The following P3H2 variants were observed in gnomAD, a reference collection of about 807,000 sequenced individuals.
P3H2 encodes leprecan-like 1.
Under a neutral mutation model 87.0 loss-of-function variants are expected in P3H2, and 80 were observed. The observed-to-expected ratio is 0.92, with a 90% CI of 0.77 to 1.11. P3H2 has a LOEUF of 1.11. Ranked by LOEUF, P3H2 falls within the 50% of genes least tolerant of loss-of-function variation. The pLI is 0.00. For missense variants in P3H2, 1,001 were observed against 923.9 expected, an observed-to-expected ratio of 1.08 and a Z score of -1.08; for synonymous variants, 367 against 359.3, an observed-to-expected ratio of 1.02 and a Z score of -0.24.
In P3H2 at chr3:189,983,077, T is replaced by C. The variant is rs774778936; in HGVS notation, c.1293A>G (p.Leu431=). ...EVHGFSMGKK[L]SPKIDRDLRE... is the part of the protein sequence containing the mutation. ...TTAGGTCTCGATCTATCTTGGGTGA[T>C]AGCTTTTTTCCCATTGAGAATCCAT... is the stretch of plus-strand genomic sequence containing the variant. The change falls in exon 8 of 15, where the codon CTA becomes CTG. Residue 431 remains leucine (L), a synonymous_variant. Coordinates refer to ENST00000319332, the MANE Select transcript of P3H2 (RefSeq NM_018192.4). 3.7e-6 allele frequency: 6 copies of C among 1,613,924 alleles called. No homozygotes were observed. Among genetic ancestry groups the C allele is most frequent in the South Asian group, 2.2e-5 (2 of 91,078 alleles).
intron 1 of P3H2, among the ~76,000 whole-genome samples, chr3:190,018,424 T>G (rs141153980): frequency 0.013 from 1,987 of 152,216 alleles, 44 homozygotes; most frequent in African/African-American, 0.046. Context: ...CTTAGATAAG[T>G]AGGCCAGGTG....
intron 1 of P3H2, among the ~76,000 whole-genome samples, chr3:190,067,945 A>G (rs1309367367): frequency 6.6e-6 from 1 of 152,168 alleles, no homozygotes; most frequent in Non-Finnish European, 1.5e-5. Flanking sequence ...TAGTTATAAC[A>G]ATTTAAATAT....
intron 1 of P3H2, among the ~76,000 whole-genome samples, chr3:190,075,564 T>C (rs757463869): frequency 2.6e-5 from 4 of 151,804 alleles, no homozygotes; most frequent in South Asian, 2.1e-4. Context: ...TAAAATCTCA[T>C]GTGATTTCTG....
intron 1 of P3H2, among the ~76,000 whole-genome samples, chr3:190,016,050 T>C (rs2108937610): frequency 6.6e-6 from 1 of 152,326 alleles, no homozygotes; most frequent in East Asian, 1.9e-4. Context: ...GTCCTTGCTC[T>C]TTAGCTTGCT....
chr3:190,032,367 T>C (rs1725281207), intron 1 of P3H2, among the ~76,000 whole-genome samples: 2 of 152,226 alleles, frequency 1.3e-5, no homozygotes, highest in Admixed American at 6.5e-5. Context: ...CCAAATTCCA[T>C]GTCTTAAATC....
chr3:189,969,494 G>T (rs1723106065), intron 13 of P3H2: 4 of 973,874 alleles, frequency 4.1e-6, no homozygotes, highest in Non-Finnish European at 6.7e-6. Flanking sequence ...ATCATAGAGG[G>T]ACTGAGGTCT....
chr3:190,114,040 A>C (rs1712179066), intron 1 of P3H2, among the ~76,000 whole-genome samples: 1 of 122,536 alleles, frequency 8.2e-6, no homozygotes, highest in African/African-American at 3.3e-5. Context: ...AGATGTCGCC[A>C]CCACACTCCA....
At chr3:190,003,513 T>C in intron 1 of P3H2, among the ~76,000 whole-genome samples, 1 of 149,784 alleles carries the variant, frequency 6.7e-6, no homozygotes, top group East Asian at 2.0e-4. Flanking sequence ...AAAAAAAAAC[T>C]ATCTAAGTAT....
At chr3:190,012,967 G>A (rs952418047) in intron 1 of P3H2, among the ~76,000 whole-genome samples, 2 of 152,102 alleles carry the variant, frequency 1.3e-5, no homozygotes, top group African/African-American at 2.4e-5. Context: ...CCGATTGATC[G>A]TTGTATTCCC....
intron 1 of P3H2, among the ~76,000 whole-genome samples, chr3:190,007,688 T>C (rs1318103906): frequency 2.0e-5 from 3 of 151,946 alleles, no homozygotes; most frequent in Non-Finnish European, 2.9e-5. Flanking sequence ...AGCCCTTACC[T>C]TGCTAAGAAA....
At chr3:190,093,154 T>C (rs1327514710) in intron 1 of P3H2, among the ~76,000 whole-genome samples, 1 of 152,142 alleles carries the variant, frequency 6.6e-6, no homozygotes, top group African/African-American at 2.4e-5. Context: ...GCAACGATAA[T>C]AGAAAATTGA....
intron 1 of P3H2, among the ~76,000 whole-genome samples, chr3:190,101,464 T>C (rs1191633539): frequency 1.3e-5 from 2 of 149,358 alleles, no homozygotes; most frequent in East Asian, 2.0e-4. Context: ...GCCTTACTGC[T>C]GATATGGAGA....
At chr3:190,091,890 T>G (rs1337381697) in intron 1 of P3H2, among the ~76,000 whole-genome samples, 1 of 152,212 alleles carries the variant, frequency 6.6e-6, no homozygotes, top group Non-Finnish European at 1.5e-5. Flanking sequence ...AACGTGGAAC[T>G]AGGTTTTACT....
intron 1 of P3H2, among the ~76,000 whole-genome samples, chr3:190,075,687 G>C (rs1250261077): frequency 6.6e-6 from 1 of 152,106 alleles, no homozygotes. Flanking sequence ...TGGAGATTAA[G>C]AGGGAGAAAC....
At chr3:190,041,459 G>GA (rs914717334) in intron 1 of P3H2, among the ~76,000 whole-genome samples, 3 of 152,024 alleles carry the variant, frequency 2.0e-5, no homozygotes, top group Admixed American at 6.6e-5. Context: ...CCAATAAGGG[G>GA]AAATCCCGAG....
intron 1 of P3H2, among the ~76,000 whole-genome samples, chr3:190,056,803 C>G (rs1049481394): frequency 2.0e-5 from 3 of 152,198 alleles, no homozygotes; most frequent in Non-Finnish European, 4.4e-5. Context: ...GAAAAGCACA[C>G]GCAGCTGCTC....
chr3:190,019,060 A>G (rs1273204830), intron 1 of P3H2, among the ~76,000 whole-genome samples: 1 of 152,218 alleles, frequency 6.6e-6, no homozygotes, highest in Non-Finnish European at 1.5e-5. Context: ...TGTTTTGACC[A>G]AAGCCTGCCT....
intron 2 of P3H2, among the ~76,000 whole-genome samples, 195 bp from the exon 3 acceptor site, chr3:189,994,478 G>C (rs1311258359): frequency 3.9e-5 from 6 of 152,180 alleles, no homozygotes; most frequent in African/African-American, 1.4e-4. Flanking sequence ...TCAAATGCTT[G>C]TAAGTGAGAG....
intron 1 of P3H2, among the ~76,000 whole-genome samples, chr3:190,082,965 A>C (rs1300924810): frequency 6.6e-6 from 1 of 152,238 alleles, no homozygotes; most frequent in African/African-American, 2.4e-5. Context: ...ACAAAGGAAC[A>C]TAATACTCCA....
Sources: gnomAD v4.1 joint callset for allele counts (sites outside exome capture counted in the v4.1 genomes callset) on GRCh38, gnomAD v4.1.1 for gene constraint, MANE v1.5 for transcripts, NCBI Gene and HGNC (gene_info 2026-07-23, HGNC 2026-07-21) for gene names.